The following PID1 variants were observed in gnomAD, a reference collection of about 807,000 sequenced individuals.
PID1 encodes the protein PTB-containing, cubilin and LRP1-interacting protein.
A neutral mutation model predicts 19.1 loss-of-function variants in PID1; 10 were observed. That is an observed-to-expected ratio of 0.52 (90% CI 0.32 to 0.89). PID1 has a LOEUF of 0.89. Among genes scored for constraint, PID1 ranks in the 40% least tolerant of loss-of-function variants. The pLI, the probability that PID1 is intolerant of heterozygous loss-of-function variation, is 0.03. For synonymous variants in PID1, 130 were observed against 116.0 expected (o/e 1.12, Z -0.78); for missense variants, 248 against 285.3 (o/e 0.87, Z 0.94).
intron 1 of PID1, among the ~76,000 whole-genome samples, chr2:229,160,094 T>C (rs1690461574): frequency 1.3e-5 from 2 of 152,140 alleles, no homozygotes; most frequent in Admixed American, 1.3e-4. Context: ...TACAAGACAT[T>C]CATAAAAGCA....
At chr2:229,041,637 T>A (rs1693772096) in intron 2 of PID1, among the ~76,000 whole-genome samples, 1 of 152,104 alleles carries the variant, frequency 6.6e-6, no homozygotes, top group Non-Finnish European at 1.5e-5. Context: ...ACAAAGTACC[T>A]CCACAAGACA....
At chr2:229,113,011 T>C (rs762267184) in intron 2 of PID1, among the ~76,000 whole-genome samples, 9 of 152,150 alleles carry the variant, frequency 5.9e-5, no homozygotes, top group Non-Finnish European at 1.3e-4. Flanking sequence ...CAGTAACGTA[T>C]GCTAATATCT....
chr2:229,172,468 T>C (rs1690729580), intron 1 of PID1, among the ~76,000 whole-genome samples: 1 of 152,162 alleles, frequency 6.6e-6, no homozygotes, highest in Admixed American at 6.5e-5. Flanking sequence ...CTGGCAACCT[T>C]TGGCATTCCT....
rs531086274 is a variant in PID1, at chr2:229,047,148, A to G, written c.178-21040T>C. 2.0e-5 allele frequency among the ~76,000 whole-genome samples: 3 copies of G among 152,328 alleles called. No individual in the cohort carries two copies. In the East Asian group the frequency reaches 5.8e-4, roughly 29 times the overall value. On this transcript the variant is annotated intron_variant, in intron 2 of 2. Transcript: ENST00000392055. ...CGCTGCTCATGCATTTCGGAGCAGC[A>G]TCACATCCATGAGGGTAACACCAAT...
chr2:229,106,270 T>C (rs1695178155), intron 2 of PID1, among the ~76,000 whole-genome samples: 1 of 152,126 alleles, frequency 6.6e-6, no homozygotes, highest in South Asian at 2.1e-4. Context: ...ATCCAGTAAC[T>C]ATTCATTATT....
intron 2 of PID1, among the ~76,000 whole-genome samples, chr2:229,145,155 G>GTGTGTGTGTGTATATACATA (rs1391018424): frequency 3.9e-4 from 47 of 119,936 alleles, no homozygotes; most frequent in African/African-American, 1.4e-3. Context: ...ATATGTATGT[G>GTGTGTGTGTGTATATACATA]TATATATATA....
rs189064646 is a variant in PID1 at position 229,064,644 on chromosome 2, C to G, written c.178-38536G>C. Among the ~76,000 whole-genome samples the G allele has an allele frequency of 3.4e-3, 517 of 152,088 alleles. 2 individuals carry two copies. Among genetic ancestry groups the G allele is most frequent in the Admixed American group, 8.1e-3 (123 of 15,268 alleles). On this transcript the variant is annotated intron_variant, in intron 2 of 2. Coordinates refer to ENST00000392055, the MANE Select transcript of PID1 (RefSeq NM_001100818.2). ...ATTGCCATATTCGAAAGTGAAAAAG[C>G]ATATTTGTTTGTGTTTTTGAAGAGT... is the stretch of plus-strand genomic sequence containing the variant.
chr2:229,187,567 G>A (rs1297292127), intron 1 of PID1, among the ~76,000 whole-genome samples: 1 of 152,054 alleles, frequency 6.6e-6, no homozygotes, highest in Non-Finnish European at 1.5e-5. Flanking sequence ...GGAAAGACCA[G>A]CCACGATGAT....
At chr2:229,078,325 C>CA (rs1559223212) in intron 2 of PID1, among the ~76,000 whole-genome samples, 1 of 152,156 alleles carries the variant, frequency 6.6e-6, no homozygotes, top group Non-Finnish European at 1.5e-5. Context: ...TCTAAATATA[C>CA]AATCATGTCA....
intron 1 of PID1, among the ~76,000 whole-genome samples, chr2:229,186,830 T>G (rs1160471921): frequency 1.3e-5 from 2 of 152,234 alleles, no homozygotes; most frequent in Non-Finnish European, 2.9e-5. Context: ...CCTTTTCTAT[T>G]GCATTGTCAG....
chr2:229,206,695 G>A (rs11893811), intron 1 of PID1, among the ~76,000 whole-genome samples: 4,678 of 152,224 alleles, frequency 0.031, 231 homozygotes, highest in African/African-American at 0.11. Context: ...ATTGGTACCC[G>A]TAGTTCTATC....
intron 2 of PID1, among the ~76,000 whole-genome samples, chr2:229,105,828 C>T (rs1168567350): frequency 1.3e-5 from 2 of 152,086 alleles, no homozygotes; most frequent in Non-Finnish European, 2.9e-5. Context: ...GCCTGTAATC[C>T]CAGCACTTTG....
chr2:229,087,880 T>C (rs1297286311), intron 2 of PID1, among the ~76,000 whole-genome samples: 1 of 152,164 alleles, frequency 6.6e-6, no homozygotes, highest in Non-Finnish European at 1.5e-5. Context: ...TGTCCTTCAA[T>C]TAGTCAATTA....
chr2:229,043,167 G>T (rs868476768), intron 2 of PID1, among the ~76,000 whole-genome samples: 14 of 151,910 alleles, frequency 9.2e-5, no homozygotes, highest in Non-Finnish European at 2.1e-4. Flanking sequence ...CACCAAGCTC[G>T]GCTAATTTTT....
chr2:229,208,556 C>G (rs76939847), intron 1 of PID1, among the ~76,000 whole-genome samples: 1 of 152,180 alleles, frequency 6.6e-6, no homozygotes, highest in African/African-American at 2.4e-5. Context: ...GAGCTTTTCT[C>G]AAAAGCATAG....
intron 1 of PID1, chr2:229,228,191 A>G: frequency 2.7e-6 from 1 of 367,480 alleles, no homozygotes; most frequent in East Asian, 7.4e-5. Flanking sequence ...GCAATTATTC[A>G]TCTCTACTTT....
At chr2:229,155,595 A>G (rs1175139383) in intron 2 of PID1, among the ~76,000 whole-genome samples, 1 of 151,962 alleles carries the variant, frequency 6.6e-6, no homozygotes, top group African/African-American at 2.4e-5. Flanking sequence ...AAACAAAAAA[A>G]CCCTAGGTCT....
intron 2 of PID1, among the ~76,000 whole-genome samples, chr2:229,139,057 G>GAGAAAGAAAGAAAGAAAGAA (rs10701076): frequency 4.4e-5 from 2 of 45,620 alleles, no homozygotes; most frequent in Non-Finnish European, 8.8e-5. Flanking sequence ...AAGAAAGAAA[G>GAGAAAGAAAGAAAGAAAGAA]AGAAAGAAAG....
intron 1 of PID1, among the ~76,000 whole-genome samples, chr2:229,195,470 C>G (rs535220630): frequency 6.6e-6 from 1 of 151,774 alleles, no homozygotes; most frequent in Admixed American, 6.6e-5. Flanking sequence ...TACATATATT[C>G]ATATTTTTCC....
Sources: gnomAD v4.1 joint callset for allele counts (sites outside exome capture counted in the v4.1 genomes callset) on GRCh38, gnomAD v4.1.1 for gene constraint, MANE v1.5 for transcripts, NCBI Gene and HGNC (gene_info 2026-07-23, HGNC 2026-07-21) for gene names.